NOL4: variants seen among roughly 807,000 people sequenced by gnomAD.
NOL4 encodes cancer/testis antigen 125.
Under a neutral mutation model 75.9 loss-of-function variants are expected in NOL4, and 17 were observed. The ratio of observed to expected loss-of-function variants is 0.22; its 90% CI spans 0.15 to 0.34. The LOEUF is 0.34. Among genes scored for constraint, NOL4 ranks in the 10% least tolerant of loss-of-function variants. The pLI, the probability that NOL4 is intolerant of heterozygous loss-of-function variation, is 1.00. For synonymous variants in NOL4, 292 were observed against 289.9 expected (o/e 1.01, Z -0.07); for missense variants, 614 against 793.5 (o/e 0.77, Z 2.72).
At chr18:33,973,260 C>G (rs895423843) in intron 6 of NOL4, among the ~76,000 whole-genome samples, 20 of 152,160 alleles carry the variant, frequency 1.3e-4, no homozygotes, top group African/African-American at 4.8e-4. Context: ...AGCAACTCCT[C>G]ATCTGTTCAA....
At chr18:33,925,516 A>AT (rs2067271556) in intron 9 of NOL4, among the ~76,000 whole-genome samples, 1 of 152,200 alleles carries the variant, frequency 6.6e-6, no homozygotes, top group Non-Finnish European at 1.5e-5. Flanking sequence ...GGACTTCTCA[A>AT]ATTTGCTTGA....
At chr18:34,205,814 G>T (rs138576656) in intron 1 of NOL4, among the ~76,000 whole-genome samples, 1 of 152,006 alleles carries the variant, frequency 6.6e-6, no homozygotes. Flanking sequence ...CCCAGGCAAA[G>T]GGATACCTCA....
chr18:34,152,357 T>C (rs1431178240), intron 1 of NOL4, among the ~76,000 whole-genome samples: 1 of 151,856 alleles, frequency 6.6e-6, no homozygotes, highest in Non-Finnish European at 1.5e-5. Context: ...ATGAACTACT[T>C]GTAAATAGAC....
At chr18:34,168,151 T>A (rs1480447220) in intron 1 of NOL4, among the ~76,000 whole-genome samples, 2 of 151,696 alleles carry the variant, frequency 1.3e-5, no homozygotes, top group African/African-American at 4.8e-5. Flanking sequence ...ATAATTATTT[T>A]AAAATCTACA....
intron 1 of NOL4, among the ~76,000 whole-genome samples, chr18:34,151,331 G>A (rs1225236804): frequency 6.6e-6 from 1 of 151,772 alleles, no homozygotes; most frequent in Non-Finnish European, 1.5e-5. Context: ...CAGTAGGTGA[G>A]TGAATAAACT....
intron 6 of NOL4, among the ~76,000 whole-genome samples, chr18:33,989,151 G>A (rs932201426): frequency 1.0e-4 from 12 of 115,624 alleles, no homozygotes; most frequent in Non-Finnish European, 1.8e-4. Flanking sequence ...TCACTCCATT[G>A]CACTCCAGCC....
intron 9 of NOL4, among the ~76,000 whole-genome samples, chr18:33,934,040 G>T (rs1415955069): frequency 6.6e-6 from 1 of 152,026 alleles, no homozygotes; most frequent in Non-Finnish European, 1.5e-5. Flanking sequence ...TTGCAGAATG[G>T]GTGTTGGTTA....
intron 9 of NOL4, among the ~76,000 whole-genome samples, chr18:33,888,979 C>A (rs767459350): frequency 8.6e-5 from 13 of 151,814 alleles, no homozygotes; most frequent in South Asian, 2.1e-4. Flanking sequence ...CAAGAGCAAA[C>A]AAATCAAAAG....
chr18:34,079,199 C>A (rs2145367828), intron 5 of NOL4, among the ~76,000 whole-genome samples: 1 of 152,038 alleles, frequency 6.6e-6, no homozygotes, highest in East Asian at 1.9e-4. Context: ...TGTGGGTTGG[C>A]AGAAAAAGGA....
intron 2 of NOL4, among the ~76,000 whole-genome samples, chr18:34,116,050 T>C (rs1453682477): frequency 6.6e-6 from 1 of 152,160 alleles, no homozygotes; most frequent in African/African-American, 2.4e-5. Context: ...CAGAAAATAA[T>C]AGATTAAATT....
At chr18:33,912,330 C>A (rs1011014388) in intron 9 of NOL4, among the ~76,000 whole-genome samples, 1 of 151,930 alleles carries the variant, frequency 6.6e-6, no homozygotes, top group African/African-American at 2.4e-5. Flanking sequence ...ATTCAATTTT[C>A]CATATCAAAA....
chr18:34,052,765 C>T (rs982125386), intron 5 of NOL4, among the ~76,000 whole-genome samples: 22 of 151,878 alleles, frequency 1.4e-4, no homozygotes, highest in South Asian at 8.3e-4. Context: ...CAGAATGCTA[C>T]GAGAGAATCT....
At chr18:34,219,191 G>A (rs1600914577) in intron 1 of NOL4, among the ~76,000 whole-genome samples, 1 of 152,200 alleles carries the variant, frequency 6.6e-6, no homozygotes, top group African/African-American at 2.4e-5. Flanking sequence ...ACCTGTATTG[G>A]AATAAATATA....
At chr18:34,214,089 T>G (rs1002276768) in intron 1 of NOL4, among the ~76,000 whole-genome samples, 2 of 152,168 alleles carry the variant, frequency 1.3e-5, no homozygotes, top group Non-Finnish European at 2.9e-5. Context: ...ATAAAAATAT[T>G]TTATTACAAG....
Position 33,918,306 on chromosome 18 carries a change from G to T in NOL4, c.1542+24759C>A, listed in dbSNP as rs570363344. 4.6e-5 allele frequency among the ~76,000 whole-genome samples: 7 copies of T among 152,298 alleles called. No individual in the cohort carries two copies. The East Asian group carries it at 1.2e-3, about 25-fold the overall frequency. The stretch of plus-strand genomic sequence containing the variant: ...AAAATGTTGAAATTTTAAAAAGGAA[G>T]TACCTTAATTCAGTGGTTGGTTAAA... On this transcript the variant is annotated intron_variant, in intron 9 of 10. Transcript: ENST00000261592.
At chr18:34,086,395 C>T (rs1444890817) in intron 5 of NOL4, among the ~76,000 whole-genome samples, 1 of 152,126 alleles carries the variant, frequency 6.6e-6, no homozygotes, top group East Asian at 1.9e-4. Context: ...ATGACTTACA[C>T]AAGACAACAT....
At chr18:33,994,258 A>G (rs574854597) in intron 6 of NOL4, among the ~76,000 whole-genome samples, 35 of 152,012 alleles carry the variant, frequency 2.3e-4, no homozygotes, top group African/African-American at 8.4e-4. Context: ...AGGCAGAGGA[A>G]CAACAACAAA....
At chr18:34,221,744 T>A in intron 1 of NOL4, 1 of 322,856 alleles carries the variant, frequency 3.1e-6, no homozygotes, top group Non-Finnish European at 5.6e-6. Flanking sequence ...CAGGAAACCA[T>A]AAACTGATTT....
At chr18:33,883,101 A>C (rs190121603) in intron 10 of NOL4, 143 bp downstream of exon 10, 2 of 527,302 alleles carry the variant, frequency 3.8e-6, no homozygotes, top group African/African-American at 1.9e-5. Flanking sequence ...GATATCCCTA[A>C]TGCTAGATGA....
Sources: gnomAD v4.1 joint callset for allele counts (sites outside exome capture counted in the v4.1 genomes callset) on GRCh38, gnomAD v4.1.1 for gene constraint, MANE v1.5 for transcripts, NCBI Gene and HGNC (gene_info 2026-07-23, HGNC 2026-07-21) for gene names.